The following ARHGAP28 variants were observed in gnomAD, a reference collection of about 807,000 sequenced individuals.
ARHGAP28 encodes rho GTPase-activating protein 28.
A neutral mutation model predicts 90.7 loss-of-function variants in ARHGAP28; 56 were observed. The ratio of observed to expected loss-of-function variants is 0.62; its 90% confidence interval spans 0.50 to 0.77. The LOEUF is 0.77. Ranked by LOEUF, ARHGAP28 falls within the 30% of genes least tolerant of loss-of-function variation. The probability of loss-of-function intolerance (pLI) is 0.00; values close to 1 mark genes in which losing one functional copy is unlikely to be tolerated. For missense variants in ARHGAP28, 869 were observed against 900.9 expected (o/e 0.96, Z 0.45); for synonymous variants, 308 against 323.3 (o/e 0.95, Z 0.51).
chr18:6,792,752 G>A (rs571614277), intron 1 of ARHGAP28, among the ~76,000 whole-genome samples: 9 of 152,268 alleles, frequency 5.9e-5, no homozygotes, highest in Non-Finnish European at 1.2e-4. Context: ...TCTCCCTCCC[G>A]CCAGCTGATA....
chr18:6,878,138 A>G (rs1457742906), intron 10 of ARHGAP28, among the ~76,000 whole-genome samples: 1 of 152,124 alleles, frequency 6.6e-6, no homozygotes, highest in Non-Finnish European at 1.5e-5. Context: ...AATGTGGCAC[A>G]TATACACCAT....
chr18:6,872,046 TCTGC>T (rs1371950502), intron 7 of ARHGAP28, among the ~76,000 whole-genome samples: 1 of 152,148 alleles, frequency 6.6e-6, no homozygotes, highest in African/African-American at 2.4e-5. Context: ...CCCTAAGCAG[TCTGC>T]AGGTTAGAGG....
chr18:6,886,897 A>G (rs2057225914), intron 11 of ARHGAP28, among the ~76,000 whole-genome samples: 1 of 152,314 alleles, frequency 6.6e-6, no homozygotes, highest in East Asian at 1.9e-4. Context: ...TTGAAAGGGA[A>G]GTGCTATCCA....
intron 5 of ARHGAP28, 44 bp downstream of exon 5, chr18:6,859,941 G>T (rs373698000): frequency 5.9e-6 from 9 of 1,517,270 alleles, no homozygotes; most frequent in African/African-American, 1.4e-5. Context: ...AGGTACAGTT[G>T]CAAGTCAAAG....
chr18:6,732,586 G>A (rs969200978), intron 1 of ARHGAP28, among the ~76,000 whole-genome samples: 1 of 152,190 alleles, frequency 6.6e-6, no homozygotes, highest in Non-Finnish European at 1.5e-5. Context: ...CATCATGGGG[G>A]CTGCTGTGCT....
chr18:6,873,535 C>T lies in ARHGAP28; in HGVS notation c.1081C>T (p.Gln361Ter). The change falls in exon 8 of 18, where the codon CAA (glutamine) becomes TAA (stop). Residue 361 changes from glutamine to a stop codon, truncating the protein, a stop_gained. Transcript: ENST00000383472. LOFTEE classifies it high-confidence loss of function. The part of the protein sequence containing the change: ...LTAFFDAFGI[Q>*]LKRNKTEKVK... ...TGCCTTTTTTGATGCCTTTGGAATT[C>T]AACTGAAAAGGAACAAAACAGAGAA... 1 of 1,613,848 alleles carries T rather than the reference C, an allele frequency of 6.2e-7. No individual in the cohort carries two copies. The highest frequency in any genetic ancestry group is 1.1e-5 in the South Asian group (1 of 90,958).
chr18:6,837,492 A>C, intron 3 of ARHGAP28, 78 bp downstream of exon 3: 1 of 1,022,624 alleles, frequency 9.8e-7, no homozygotes. Flanking sequence ...GGGGTGGAAA[A>C]AATATCAGAA....
intron 15 of ARHGAP28, among the ~76,000 whole-genome samples, chr18:6,896,208 T>A (rs1036529887): frequency 6.6e-6 from 1 of 152,208 alleles, no homozygotes; most frequent in African/African-American, 2.4e-5. Flanking sequence ...GTTCAAGAAA[T>A]GCATAAATAG....
Position 6,859,868 on chromosome 18 carries a change from A to G in ARHGAP28, c.697A>G (p.Ser233Gly), listed in dbSNP as rs1264599160. The G allele has an allele frequency of 5.6e-6, 9 of 1,614,084 alleles. No homozygotes were observed. Among genetic ancestry groups the G allele is most frequent in the African/African-American group, 2.7e-5 (2 of 74,924 alleles). The change falls in exon 5 of 18, where the codon AGT becomes GGT. Residue 233 changes from serine to glycine, a missense_variant. Ser to Gly is a moderately conservative substitution (Grantham distance 56, BLOSUM62 0). Coordinates refer to ENST00000383472, the MANE Select transcript of ARHGAP28 (RefSeq NM_001366230.1). The stretch of plus-strand genomic sequence containing the variant: ...TGACGCATCCCAGGATAAAGAAGGG[A>G]GTTTTGCGGTTCCCAGGAGTGACTC... ...LSDASQDKEG[S>G]FAVPRSDSVA...
At chr18:6,781,991 C>T (rs938395898) in intron 1 of ARHGAP28, among the ~76,000 whole-genome samples, 1 of 152,146 alleles carries the variant, frequency 6.6e-6, no homozygotes, top group Admixed American at 6.5e-5. Flanking sequence ...GGGGACAGGG[C>T]AGTGGAGAGA....
rs1473588008 is a variant in ARHGAP28, at chr18:6,885,805, T to TTG, written c.1454-1351_1454-1350insGT. ...TGTTTTTTTCTTCCCCAGAGTTGTT[T>TTG]TTTTTTTTTTTTAATTGCGTTGGAA... On this transcript the variant is annotated intron_variant, in intron 11 of 17. Coordinates refer to ENST00000383472, the MANE Select transcript of ARHGAP28 (RefSeq NM_001366230.1). Among the ~76,000 whole-genome samples, 572 of 151,124 alleles carry TTG rather than the reference T, an allele frequency of 3.8e-3. 14 individuals are homozygous for TTG. Among genetic ancestry groups the TTG allele is most frequent in the East Asian group, 0.011 (56 of 5,138 alleles).
chr18:6,841,157 T>TCACTG (rs2056808776), intron 3 of ARHGAP28, among the ~76,000 whole-genome samples: 2 of 70,280 alleles, frequency 2.8e-5, no homozygotes, highest in Non-Finnish European at 5.7e-5. Context: ...TCTCTCCTCT[T>TCACTG]TCTCTCTCTC....
At position 6,862,362 on chromosome 18, in the gene ARHGAP28, C is replaced by T. The variant is rs945706632; in HGVS notation, c.726+2465C>T. 1.3e-4 allele frequency among the ~76,000 whole-genome samples: 20 copies of T among 152,134 alleles called. No homozygotes were observed. In the East Asian group the frequency reaches 1.7e-3, roughly 13 times the overall value. On this transcript the variant is annotated intron_variant, in intron 5 of 17. Transcript: ENST00000383472. ...CCCGGGGCCAACTTACTGTCACCCC[C>T]AAGACTTCAGGGGGCCCCGACAACT...
At chr18:6,774,340 G>C (rs1043408523) in intron 1 of ARHGAP28, 2 of 152,080 alleles carry the variant, frequency 1.3e-5, no homozygotes, top group African/African-American at 2.4e-5. Flanking sequence ...AGCTGTGATA[G>C]CTTTTTTAAA....
intron 1 of ARHGAP28, among the ~76,000 whole-genome samples, chr18:6,773,084 A>G (rs1444571464): frequency 6.6e-6 from 1 of 152,170 alleles, no homozygotes; most frequent in Non-Finnish European, 1.5e-5. Flanking sequence ...CTAATTAAAT[A>G]TGTATTTGTT....
chr18:6,832,516 G>A (rs545286971), intron 2 of ARHGAP28, among the ~76,000 whole-genome samples: 1 of 152,004 alleles, frequency 6.6e-6, no homozygotes, highest in South Asian at 2.1e-4. Flanking sequence ...AACTTTTATT[G>A]TGTATTTGTC....
chr18:6,812,078 T>A (rs763661424), intron 1 of ARHGAP28, among the ~76,000 whole-genome samples: 12 of 152,152 alleles, frequency 7.9e-5, no homozygotes, highest in Non-Finnish European at 1.8e-4. Context: ...CCAAACCATA[T>A]TTTCCCACAG....
intron 1 of ARHGAP28, among the ~76,000 whole-genome samples, chr18:6,814,678 A>G (rs545466259): frequency 1.3e-5 from 2 of 152,352 alleles, no homozygotes; most frequent in South Asian, 4.1e-4. Flanking sequence ...TTTGAAAGCC[A>G]TACATAGTAG....
chr18:6,774,001 A>C (rs1218866064), intron 1 of ARHGAP28: 1 of 152,178 alleles, frequency 6.6e-6, no homozygotes. Flanking sequence ...TGTGCAGTGG[A>C]ATTAGTTCTT....
Sources: allele counts gnomAD v4.1 joint callset (sites outside exome capture counted in the v4.1 genomes callset), GRCh38; gene constraint gnomAD v4.1.1; transcripts MANE v1.5; gene names NCBI Gene and HGNC (gene_info 2026-07-23, HGNC 2026-07-21).